SHC1: variants seen among roughly 807,000 people sequenced by gnomAD.
The protein encoded by SHC1 is SHC-transforming protein 1.
SHC1 carries 30 observed loss-of-function variants against 55.9 expected under a neutral mutation model. That is an observed-to-expected ratio of 0.54 (90% confidence interval 0.40 to 0.73). The LOEUF (loss-of-function observed/expected upper bound fraction) is 0.73, where lower values mean the gene tolerates loss of function less well. SHC1 is among the 30% of genes least tolerant of loss of function. The probability of loss-of-function intolerance (pLI) is 0.00; values close to 1 mark genes in which losing one functional copy is unlikely to be tolerated. For synonymous variants in SHC1, 309 were observed against 306.1 expected (o/e 1.01, Z -0.10); for missense variants, 675 against 777.1 (o/e 0.87, Z 1.56).
chr1:154,964,236 T>C (rs1264744960), intron 11 of SHC1: 1 of 500,470 alleles, frequency 2.0e-6, no homozygotes, highest in Non-Finnish European at 4.1e-6. Context: ...GTATACACAG[T>C]GCAAAAAAAG....
intron 1 of SHC1, among the ~76,000 whole-genome samples, chr1:154,969,822 TG>T (rs1553252146): frequency 1.8e-5 from 1 of 54,688 alleles, no homozygotes; most frequent in African/African-American, 7.2e-5. Flanking sequence ...AGGGTGGGGG[TG>T]GGGGAGTGAA....
chr1:154,965,819 C>A, intron 10 of SHC1, 38 bp from the exon 11 acceptor site: 1 of 1,587,236 alleles, frequency 6.3e-7, no homozygotes. Context: ...AAGTAGCAGG[C>A]ACAACACACA....
chr1:154,967,585 A>AAC, intron 7 of SHC1, 86 bp downstream of exon 7: 1 of 1,443,302 alleles, frequency 6.9e-7, no homozygotes, highest in East Asian at 2.3e-5. Flanking sequence ...TCCCTCCCTG[A>AAC]ACCTCTCAAC....
At chr1:154,974,028 T>A (rs1380082178), upstream of SHC1, among the ~76,000 whole-genome samples, 3 of 147,092 alleles carry the variant, frequency 2.0e-5, no homozygotes, top group Non-Finnish European at 4.5e-5. Flanking sequence ...TGTCGGGGGG[T>A]GGGGACTTCC....
intron 2 of SHC1, among the ~76,000 whole-genome samples, chr1:154,969,112 A>AC (rs978858796): frequency 1.4e-4 from 21 of 149,916 alleles, no homozygotes; most frequent in African/African-American, 4.5e-4. Flanking sequence ...CCTTCCATCT[A>AC]CCCCCCTTTT....
rs1656617371 is a variant in SHC1, at chr1:154,970,446, C to G, written c.81G>C (p.Gly27=). The part of the protein sequence containing the change: ...SLSSLEEGAS[G]STPPEELPSP... ...AAGGCAGCTCCTCCGGGGGGGTGGA[C>G]CCAGAAGCCCCTTCCTCCAGCGATG... is the stretch of plus-strand genomic sequence containing the variant. The change falls in exon 1 of 12, where the codon GGG becomes GGC. Residue 27 remains glycine (G), a synonymous_variant. Transcript: ENST00000448116. This position sits in a 1 kb window ranked among gnomAD's most constrained non-coding sequence, Gnocchi z 5.5. 6.2e-7 allele frequency: 1 copy of G among 1,611,138 alleles called. No homozygotes were observed. Among genetic ancestry groups the G allele is most frequent in the Non-Finnish European group, 8.5e-7 (1 of 1,179,068 alleles).
Position 154,966,052 on chromosome 1 carries a change from G to C in SHC1, c.1281C>G (p.Ser427=). The change falls in exon 10 of 12, where the codon TCC becomes TCG. Residue 427 remains serine (S), a synonymous_variant. Coordinates refer to ENST00000448116, the MANE Select transcript of SHC1 (RefSeq NM_001130040.2). The stretch of plus-strand genomic sequence containing the variant: ...TGTCTAGGTTCTGGACGTTGACATA[G>C]GAGGGATCATCAAAAAGCTCTCTGC... The part of the protein sequence containing the change: ...PAGRELFDDP[S]YVNVQNLDKA... 1.2e-6 allele frequency: 2 copies of C among 1,614,090 alleles called. No individual in the cohort carries two copies. The highest frequency in any genetic ancestry group is 1.7e-6 in the Non-Finnish European group (2 of 1,179,996).
At chr1:154,968,168 C>T in intron 5 of SHC1, 36 bp downstream of exon 5, 1 of 1,609,394 alleles carries the variant, frequency 6.2e-7, no homozygotes, top group South Asian at 1.1e-5. Flanking sequence ...GCCCCTTGCT[C>T]TTCTCCCACC....
At chr1:154,969,258 C>T in intron 2 of SHC1, 120 bp downstream of exon 2, 2 of 711,488 alleles carry the variant, frequency 2.8e-6, no homozygotes, top group Non-Finnish European at 5.0e-6. Flanking sequence ...TTCTCTCAAT[C>T]CCCTTTACTA....
rs1656529995 is a variant in SHC1, at chr1:154,969,948, A to G, written c.495+84T>C. On this transcript the variant is annotated intron_variant, in intron 1 of 11. Transcript: ENST00000448116. ...AACGGGGTTGTTGGGGAACAGCAGG[A>G]AAAAAGAGATTCCGGCCAAGCTGGA... is the stretch of plus-strand genomic sequence containing the variant. 17 of 1,473,846 alleles carry G rather than the reference A, an allele frequency of 1.2e-5. No individual in the cohort carries two copies. The South Asian group carries it at 1.9e-4, about 17-fold the overall frequency. 91.3% of individuals were successfully genotyped at this position (1,473,846 alleles called of 1,614,324 possible).
intron 3 of SHC1, 42 bp from the exon 4 acceptor site, chr1:154,968,656 C>A (rs1469729789): frequency 4.3e-6 from 7 of 1,613,004 alleles, no homozygotes; most frequent in South Asian, 2.2e-5. Context: ...GGGTTCCCAG[C>A]ACAGGCAAAC....
chr1:154,964,065 G>C (rs1655613328), intron 11 of SHC1, 134 bp from the exon 12 acceptor site: 1 of 891,708 alleles, frequency 1.1e-6, no homozygotes, highest in Non-Finnish European at 1.9e-6. Flanking sequence ...AGTGTGGCCT[G>C]TCAATCCTGA....
Position 154,968,038 on chromosome 1 carries a change from A to T in SHC1, c.805-7T>A. On this transcript the variant is annotated splice_region_variant and splice_polypyrimidine_tract_variant and intron_variant, in intron 5 of 11. Transcript: ENST00000448116. ...CGACATACTCGGCTGTGTCCTGGGGAGGAAGGTCAAAAAATTTTACAGTTC... is the reference window on the plus strand; with the variant it reads ...CGACATACTCGGCTGTGTCCTGGGGTGGAAGGTCAAAAAATTTTACAGTTC... 6.2e-7 allele frequency: 1 copy of T among 1,614,040 alleles called. No homozygotes were observed. Among genetic ancestry groups the T allele is most frequent in the Non-Finnish European group, 8.5e-7 (1 of 1,179,978 alleles).
At position 154,970,211 on chromosome 1, in the gene SHC1, G is replaced by C; in HGVS notation, c.316C>G (p.Pro106Ala). 1 of 1,613,750 alleles carries C rather than the reference G, an allele frequency of 6.2e-7. No individual in the cohort carries two copies. The highest frequency in any genetic ancestry group is 8.5e-7 in the Non-Finnish European group (1 of 1,179,896). ...AGCTTGTTCATGTCCTGGAGGAGGGGTAGGGGGCCTGAGTCTGGCATGGCT... is the reference window on the plus strand; with the variant it reads ...AGCTTGTTCATGTCCTGGAGGAGGGCTAGGGGGCCTGAGTCTGGCATGGCT... ...GAAMPDSGPL[P>A]LLQDMNKLSG... The change falls in exon 1 of 12, where the codon CCC becomes GCC. Residue 106 changes from proline to alanine, a missense_variant. Pro to Ala is a conservative substitution (Grantham distance 27). Coordinates refer to ENST00000448116, the MANE Select transcript of SHC1 (RefSeq NM_001130040.2). The surrounding 1 kb of genome is among the most constrained non-coding windows in gnomAD (Gnocchi z 5.5).
rs1415630883 is a variant in SHC1, at chr1:154,966,042, C to T, written c.1291G>A (p.Val431Ile). Residue 431 changes from valine (V) to isoleucine (I), a missense_variant, in exon 10 of 12, where the codon GTC becomes ATC. This residue lies in a region of SHC1 where 360 missense variants were observed against 371.1 expected (regional missense o/e 0.97). Coordinates refer to ENST00000448116, the MANE Select transcript of SHC1 (RefSeq NM_001130040.2). ...TGCCGGGCCTTGTCTAGGTTCTGGACGTTGACATAGGAGGGATCATCAAAA... is the reference window on the plus strand; with the variant it reads ...TGCCGGGCCTTGTCTAGGTTCTGGATGTTGACATAGGAGGGATCATCAAAA... ...ELFDDPSYVN[V>I]QNLDKARQAV... The T allele has an allele frequency of 3.1e-6, 5 of 1,614,062 alleles. No homozygotes were observed. The highest frequency in any genetic ancestry group is 4.5e-5 in the East Asian group (2 of 44,878).
chr1:154,969,286 A>G, intron 2 of SHC1, 92 bp downstream of exon 2: 1 of 832,718 alleles, frequency 1.2e-6, no homozygotes, highest in Non-Finnish European at 2.0e-6. Flanking sequence ...ATCAGCCCCC[A>G]GCAGCAGCAC....
chr1:154,970,950 C>G (rs1301161836), upstream of SHC1, among the ~76,000 whole-genome samples: 1 of 151,976 alleles, frequency 6.6e-6, no homozygotes, highest in African/African-American at 2.4e-5. This position sits in a 1 kb window ranked among gnomAD's most constrained non-coding sequence, Gnocchi z 5.5. Context: ...AACTAGTAAT[C>G]TGGGGAGAAG....
rs1028436954 is a variant in SHC1 at position 154,964,171 on chromosome 1, C to T, written c.1627-240G>A. On this transcript the variant is annotated intron_variant, in intron 11 of 11. Coordinates refer to ENST00000448116, the MANE Select transcript of SHC1 (RefSeq NM_001130040.2). Reference sequence around the variant, plus strand: ...CGACATCAGCCCTGAAAGAGTGAAGCTGAGAGCTATATACCCCTTTCTTGA... The same window carrying T: ...CGACATCAGCCCTGAAAGAGTGAAGTTGAGAGCTATATACCCCTTTCTTGA... 1.4e-5 allele frequency: 9 copies of T among 644,136 alleles called. No individual in the cohort carries two copies. In the African/African-American group the frequency reaches 1.4e-4, roughly 10 times the overall value. The allele number at this position is 644,136 out of a possible 1,614,324, so 39.9% of individuals were successfully genotyped here. A position where few individuals can be genotyped will look rare whatever the true frequency, so the allele number is the denominator to read the frequency against.
Position 154,966,049 on chromosome 1 carries a change from A to G in SHC1, c.1284T>C (p.Tyr428=), listed in dbSNP as rs183632817. The G allele has an allele frequency of 1.5e-4, 244 of 1,614,086 alleles. No individual in the cohort carries two copies. In the East Asian group the frequency reaches 4.8e-3, roughly 32 times the overall value. ...AGRELFDDPS[Y]VNVQNLDKAR... ...CCTTGTCTAGGTTCTGGACGTTGAC[A>G]TAGGAGGGATCATCAAAAAGCTCTC... is the stretch of plus-strand genomic sequence containing the variant. Residue 428 remains tyrosine (Y), a synonymous_variant, in exon 10 of 12, where the codon TAT becomes TAC. Transcript: ENST00000448116.
Sources: gnomAD v4.1 joint callset for allele counts (sites outside exome capture counted in the v4.1 genomes callset) on GRCh38, gnomAD v4.1.1 for gene constraint, gnomAD v4.1.1 regional missense constraint, Gnocchi (gnomAD v3.1) non-coding constraint, MANE v1.5 for transcripts, NCBI Gene and HGNC (gene_info 2026-07-23, HGNC 2026-07-21) for gene names.